Variants in TRRAP observed in about 807,000 individuals in gnomAD.
The protein encoded by TRRAP is transformation/transcription domain-associated protein.
A neutral mutation model predicts 438.8 loss-of-function variants in TRRAP; 41 were observed. The observed-to-expected ratio is 0.09, with a 90% CI of 0.07 to 0.12. The LOEUF (loss-of-function observed/expected upper bound fraction) is 0.12. Among genes scored for constraint, TRRAP ranks in the 10% least tolerant of loss-of-function variants. The pLI is 1.00. For synonymous variants in TRRAP, 1,994 were observed against 1,962.9 expected (o/e 1.02, Z -0.42); for missense variants, 3,122 against 5,055.1 (o/e 0.62, Z 11.60).
At chr7:98,972,644 G>A (rs1014715267) in intron 53 of TRRAP, among the ~76,000 whole-genome samples, 3 of 152,228 alleles carry the variant, frequency 2.0e-5, no homozygotes, top group African/African-American at 4.8e-5. Flanking sequence ...GACCTTGAAA[G>A]ACTGGTTGAA....
In TRRAP at chr7:98,994,484, G is replaced by C; in HGVS notation, c.10048-103G>C. 1 of 1,524,594 alleles carries C rather than the reference G, an allele frequency of 6.6e-7. No homozygotes were observed. Among genetic ancestry groups the C allele is most frequent in the Non-Finnish European group, 8.9e-7 (1 of 1,120,362 alleles). The allele number at this position is 1,524,594 out of a possible 1,614,324, so 94.4% of individuals were successfully genotyped here. A position where few individuals can be genotyped will look rare whatever the true frequency, so the allele number is the denominator to read the frequency against. On this transcript the variant is annotated intron_variant, in intron 66 of 72. Transcript: ENST00000456197. The surrounding 1 kb of genome is among the most constrained non-coding windows in gnomAD (Gnocchi z 4.8). Reference sequence around the variant, plus strand: ...TGTGGGTCCTGCCGGGGAGTGCAGAGATGACCCTGGGCTGGGAGGGCCGCA... The same window carrying C: ...TGTGGGTCCTGCCGGGGAGTGCAGACATGACCCTGGGCTGGGAGGGCCGCA...
intron 5 of TRRAP, among the ~76,000 whole-genome samples, chr7:98,893,280 C>T (rs1003621394): frequency 2.0e-5 from 3 of 152,144 alleles, no homozygotes; most frequent in African/African-American, 4.8e-5. Flanking sequence ...AGATTTCAGT[C>T]GTGTTTCTGG....
intron 58 of TRRAP, among the ~76,000 whole-genome samples, chr7:98,979,582 T>C (rs1158478373): frequency 6.6e-6 from 1 of 152,228 alleles, no homozygotes; most frequent in Non-Finnish European, 1.5e-5. Context: ...CAGAATGCAT[T>C]TACGATGCTT....
chr7:98,927,353 C>T lies in TRRAP; in HGVS notation c.3162C>T (p.Val1054=), dbSNP rs1035028803. The T allele has an allele frequency of 6.2e-6, 10 of 1,614,042 alleles. No homozygotes were observed. The highest frequency in any genetic ancestry group is 1.1e-5 in the South Asian group (1 of 91,058). The change falls in exon 23 of 73, where the codon GTC becomes GTT. Residue 1054 remains valine, a synonymous_variant. Coordinates refer to ENST00000456197, the MANE Select transcript of TRRAP (RefSeq NM_001375524.1). ...TCCGCCACTATACGATGGTGGCAGT[C>T]GCCCAGCAGTGTGGTGAGCACGGGG... The part of the protein sequence containing the change: ...SLIRHYTMVA[V]AQQCGPFLLP...
chr7:98,903,725 C>T (rs1265635158), intron 12 of TRRAP, among the ~76,000 whole-genome samples: 7 of 152,026 alleles, frequency 4.6e-5, no homozygotes, highest in African/African-American at 9.7e-5. Context: ...AAGACATACC[C>T]GAGACTGGGC....
chr7:98,978,016 G>T (rs1476218448), intron 56 of TRRAP, among the ~76,000 whole-genome samples, 195 bp from the exon 57 acceptor site: 1 of 152,200 alleles, frequency 6.6e-6, no homozygotes, highest in Non-Finnish European at 1.5e-5. Flanking sequence ...GTGCAGGCAG[G>T]CACCTGTAGC....
chr7:98,978,739 GC>G (rs1337521159), intron 57 of TRRAP, 29 bp from the exon 58 acceptor site: 2 of 1,613,616 alleles, frequency 1.2e-6, no homozygotes, highest in African/African-American at 2.7e-5. Flanking sequence ...TGGTGATTGA[GC>G]TTTTGCTCTG....
In TRRAP at chr7:98,988,918, C is replaced by T. The variant is rs771728914; in HGVS notation, c.9543C>T (p.His3181=). Residue 3181 remains histidine (H), a synonymous_variant, in exon 63 of 73, where the codon CAC becomes CAT. Transcript: ENST00000456197. ...TGTCTGCCATCACCTGCTACCTGCA[C>T]GCCTGCCGGCATCAGAACGAGAGCA... ...LGVSAITCYL[H]ACRHQNESKS... 6.2e-6 allele frequency: 10 copies of T among 1,613,950 alleles called. No homozygotes were observed. The highest frequency in any genetic ancestry group is 4.4e-5 in the South Asian group (4 of 91,074).
chr7:98,890,292 C>G, intron 3 of TRRAP, 43 bp from the exon 4 acceptor site: 1 of 1,279,070 alleles, frequency 7.8e-7, no homozygotes, highest in Non-Finnish European at 1.0e-6. Context: ...AATGAAAATA[C>G]ATACACATAA....
At chr7:98,957,268 CTCTT>C (rs2116644871) in intron 43 of TRRAP, among the ~76,000 whole-genome samples, 1 of 152,352 alleles carries the variant, frequency 6.6e-6, no homozygotes, top group African/African-American at 2.4e-5. Flanking sequence ...TCCCTGTTCT[CTCTT>C]TCGCTGTTCC....
chr7:98,936,640 C>T (rs191534141), intron 28 of TRRAP, among the ~76,000 whole-genome samples: 38 of 152,262 alleles, frequency 2.5e-4, no homozygotes, highest in East Asian at 1.4e-3. Context: ...GACCAGAGAC[C>T]GTGCCATCAG....
Position 98,910,217 on chromosome 7 carries a change from T to TC in TRRAP, c.1512_1513insC (p.Ala505ArgfsTer68). On this transcript the variant is annotated frameshift_variant, in exon 15 of 73. Transcript: ENST00000456197. LOFTEE classifies it high-confidence loss of function. ...CTGCTCCCTCCCCAGCCCCTGTCCCTGCCCCACCTCCACCCCCGCCCCCAC... is the reference window on the plus strand; with the variant it reads ...CTGCTCCCTCCCCAGCCCCTGTCCCTCGCCCCACCTCCACCCCCGCCCCCAC... The TC allele has an allele frequency of 9.6e-7, 1 of 1,045,584 alleles. No homozygotes were observed. The highest frequency in any genetic ancestry group is 1.2e-6 in the Non-Finnish European group (1 of 806,028). 64.8% of individuals were successfully genotyped at this position (1,045,584 alleles called of 1,614,324 possible). A position where few individuals can be genotyped will look rare whatever the true frequency, so the allele number is the denominator to read the frequency against.
chr7:98,990,356 A>G, intron 63 of TRRAP, 99 bp from the exon 64 acceptor site: 1 of 1,299,988 alleles, frequency 7.7e-7, no homozygotes, highest in African/African-American at 1.5e-5. Flanking sequence ...CATGGCCAGT[A>G]AAGCCGCTCT....
In TRRAP at chr7:99,005,013, A is replaced by C; in HGVS notation, c.10536-118A>C. On this transcript the variant is annotated intron_variant, in intron 68 of 72. Coordinates refer to ENST00000456197, the MANE Select transcript of TRRAP (RefSeq NM_001375524.1). This position sits in a 1 kb window ranked among gnomAD's most constrained non-coding sequence, Gnocchi z 5.1. ...CAGGGTACAAATAAATTGATAAACG[A>C]CCGCTGGCCTACACAGTCCGTTTTC... 1 of 953,740 alleles carries C rather than the reference A, an allele frequency of 1.0e-6. No homozygotes were observed. The highest frequency in any genetic ancestry group is 1.5e-5 in the South Asian group (1 of 68,646). The allele number at this position is 953,740 out of a possible 1,614,324, so 59.1% of individuals were successfully genotyped here.
At chr7:98,892,230 C>T (rs1796011578) in intron 4 of TRRAP, among the ~76,000 whole-genome samples, 194 bp from the exon 5 acceptor site, 1 of 152,170 alleles carries the variant, frequency 6.6e-6, no homozygotes, top group African/African-American at 2.4e-5. Flanking sequence ...AAATGATCAT[C>T]TGCAGTACTT....
chr7:98,988,983 G>A lies in TRRAP; in HGVS notation c.9591+17G>A, dbSNP rs978190350. ...TTAGCCAAGGTGAGACCGAAAAAAC[G>A]AGCTTTGACCAGAGGCCATCTGTCA... On this transcript the variant is annotated intron_variant, in intron 63 of 72. Transcript: ENST00000456197. 52 of 1,607,052 alleles carry A rather than the reference G, an allele frequency of 3.2e-5. No homozygotes were observed. Among genetic ancestry groups the A allele is most frequent in the Non-Finnish European group, 3.2e-5 (38 of 1,176,838 alleles).
rs753376210 is a variant in TRRAP at position 99,011,554 on chromosome 7, C to A, written c.11337+19C>A. On this transcript the variant is annotated intron_variant, in intron 72 of 72. Transcript: ENST00000456197. This position sits in a 1 kb window ranked among gnomAD's most constrained non-coding sequence, Gnocchi z 7.1. Reference sequence around the variant, plus strand: ...CTTTAAGGTGGGTCTCCACGTCGTCCTATCACAGGCGCAGGCTAGAGCCAC... The same window carrying A: ...CTTTAAGGTGGGTCTCCACGTCGTCATATCACAGGCGCAGGCTAGAGCCAC... 13 of 1,608,016 alleles carry A rather than the reference C, an allele frequency of 8.1e-6. No individual in the cohort carries two copies. The South Asian group carries it at 1.3e-4, about 17-fold the overall frequency.
Position 98,983,470 on chromosome 7 carries a change from C to G in TRRAP, c.9022+11C>G, listed in dbSNP as rs764329810. ...AGCATCATTACCAGGGTAAACCGAC[C>G]TGGTCCGGCATGCATTCATCATGTA... On this transcript the variant is annotated intron_variant, in intron 60 of 72. Coordinates refer to ENST00000456197, the MANE Select transcript of TRRAP (RefSeq NM_001375524.1). 5.0e-6 allele frequency: 8 copies of G among 1,614,094 alleles called. No homozygotes were observed. In the South Asian group the frequency reaches 7.7e-5, roughly 16 times the overall value.
intron 49 of TRRAP, among the ~76,000 whole-genome samples, chr7:98,966,183 G>A (rs536213444): frequency 6.6e-6 from 1 of 151,760 alleles, no homozygotes; most frequent in East Asian, 2.0e-4. Flanking sequence ...GCGGGCGCCT[G>A]CAGTCCCAGC....
Sources: gnomAD v4.1 joint callset for allele counts (sites outside exome capture counted in the v4.1 genomes callset) on GRCh38, gnomAD v4.1.1 for gene constraint, Gnocchi (gnomAD v3.1) non-coding constraint, MANE v1.5 for transcripts, NCBI Gene and HGNC (gene_info 2026-07-23, HGNC 2026-07-21) for gene names.